The following POGZ variants were observed in gnomAD, a reference collection of about 807,000 sequenced individuals.
The protein encoded by POGZ is pogo transposable element with ZNF domain.
In POGZ, 17 loss-of-function variants were observed where a neutral mutation model predicts 134.6. The ratio of observed to expected loss-of-function variants is 0.13; its 90% confidence interval spans 0.09 to 0.19. The LOEUF (loss-of-function observed/expected upper bound fraction) is 0.19. Ranked by LOEUF, POGZ falls within the 10% of genes least tolerant of loss-of-function variation. POGZ has a pLI of 1.00. For synonymous variants in POGZ, 693 were observed against 657.1 expected (o/e 1.05, Z -0.84); for missense variants, 1,306 against 1,769.7 (o/e 0.74, Z 4.70).
At chr1:151,434,968 T>C (rs1272436888) in intron 3 of POGZ, among the ~76,000 whole-genome samples, 1 of 151,694 alleles carries the variant, frequency 6.6e-6, no homozygotes, top group Non-Finnish European at 1.5e-5. Context: ...TGGCATGACC[T>C]CAGCTCACTG....
chr1:151,435,464 A>G (rs1470623182), intron 3 of POGZ, among the ~76,000 whole-genome samples: 3 of 151,580 alleles, frequency 2.0e-5, no homozygotes, highest in Admixed American at 6.6e-5. Context: ...ACAGAATAGT[A>G]AAAATATTCC....
chr1:151,453,982 A>G (rs753324233), intron 1 of POGZ, among the ~76,000 whole-genome samples: 1 of 152,232 alleles, frequency 6.6e-6, no homozygotes, highest in Admixed American at 6.5e-5. Flanking sequence ...TTCATCTCAA[A>G]GAAAATGAGA....
chr1:151,411,323 GAAC>G (rs1276657795), intron 12 of POGZ, among the ~76,000 whole-genome samples: 2 of 152,102 alleles, frequency 1.3e-5, no homozygotes, highest in Admixed American at 1.3e-4. Flanking sequence ...CTCAGGTATT[GAAC>G]AACACTTCTT....
At chr1:151,438,872 G>C (rs1001447461) in intron 3 of POGZ, 1 of 151,562 alleles carries the variant, frequency 6.6e-6, no homozygotes, top group South Asian at 2.1e-4. Flanking sequence ...GTGAGATCCC[G>C]TCTCAGGGAG....
Position 151,424,170 on chromosome 1 carries a change from G to A in POGZ, c.1302C>T (p.Ser434=), listed in dbSNP as rs765672576. The A allele has an allele frequency of 6.2e-6, 10 of 1,613,938 alleles. No individual in the cohort carries two copies. In the Admixed American group the frequency reaches 1.7e-4, roughly 27 times the overall value. ...PSPEKTAPVA[S]TPSSTPIPAL... is the part of the protein sequence containing the mutation. ...CAGGAATAGGTGTAGAAGAGGGTGT[G>A]GAAGCAACAGGAGCTGTTTTCTCAG... Residue 434 remains serine, a synonymous_variant, in exon 9 of 19, where the codon TCC becomes TCT. Transcript: ENST00000271715.
intron 1 of POGZ, among the ~76,000 whole-genome samples, chr1:151,448,539 T>A (rs1661589018): frequency 6.6e-6 from 1 of 152,184 alleles, no homozygotes; most frequent in Non-Finnish European, 1.5e-5. Flanking sequence ...ACATTTAGTT[T>A]AATCAAGCCT....
chr1:151,406,017 C>G lies in POGZ; in HGVS notation c.3018G>C (p.Trp1006Cys). 6.2e-7 allele frequency: 1 copy of G among 1,614,230 alleles called. No individual in the cohort carries two copies. The highest frequency in any genetic ancestry group is 8.5e-7 in the Non-Finnish European group (1 of 1,180,044). ...FRNPQRRIRR[W>C]LRRFQASQGE... ...CCTGGGAGGCCTGGAAACGTCGAAG[C>G]CAACGGCGAATACGTCGCTGGGGAT... The change falls in exon 19 of 19, where the codon TGG (tryptophan) becomes TGC (cysteine). Residue 1006 changes from tryptophan to cysteine, a missense_variant. Transcript: ENST00000271715.
At chr1:151,425,762 T>G (rs542382699) in intron 7 of POGZ, among the ~76,000 whole-genome samples, 2 of 152,258 alleles carry the variant, frequency 1.3e-5, no homozygotes, top group South Asian at 2.1e-4. Context: ...TATCAGTTGA[T>G]GGACCTCTGT....
At chr1:151,453,782 T>C (rs1662437759) in intron 1 of POGZ, among the ~76,000 whole-genome samples, 2 of 152,184 alleles carry the variant, frequency 1.3e-5, no homozygotes, top group Admixed American at 6.6e-5. Flanking sequence ...ATTTCTTAAA[T>C]GCTGGCGAAT....
intron 10 of POGZ, among the ~76,000 whole-genome samples, chr1:151,422,881 C>T (rs544040838): frequency 1.2e-4 from 19 of 152,236 alleles, no homozygotes; most frequent in African/African-American, 3.6e-4. Context: ...CGTGAGCCAC[C>T]GTGCCCGGCC....
rs374145381 is a variant in POGZ, at chr1:151,441,049, G to A, written c.162C>T (p.Pro54=). 2.7e-4 allele frequency: 438 copies of A among 1,613,896 alleles called. No individual in the cohort carries two copies. Among genetic ancestry groups the A allele is most frequent in the Admixed American group, 4.2e-4 (25 of 59,988 alleles). The change falls in exon 3 of 19, where the codon CCC becomes CCT. Residue 54 remains proline, a synonymous_variant. Coordinates refer to ENST00000271715, the MANE Select transcript of POGZ (RefSeq NM_015100.4). The part of the protein sequence containing the change: ...VSQQPVSAPV[P]IAAHASVAGH... ...CAGCAACAGAAGCATGGGCAGCGAT[G>A]GGCACTGGAGCCGAGACTGGCTGCT...
intron 1 of POGZ, among the ~76,000 whole-genome samples, chr1:151,444,637 C>T (rs1661015014): frequency 6.6e-6 from 1 of 152,162 alleles, no homozygotes; most frequent in South Asian, 2.1e-4. Context: ...TATCAGAATA[C>T]AAATTGTGGT....
In POGZ at chr1:151,406,635, T is replaced by A; in HGVS notation, c.2546-4A>T. On this transcript the variant is annotated splice_region_variant and splice_polypyrimidine_tract_variant and intron_variant, in intron 17 of 18. Coordinates refer to ENST00000271715, the MANE Select transcript of POGZ (RefSeq NM_015100.4). ...GAGTGAGCTATCCAAGTGAGTCCTA[T>A]GGAAAATGAAACAACAAAAATAGTT... The A allele has an allele frequency of 6.2e-7, 1 of 1,606,854 alleles. No homozygotes were observed. The highest frequency in any genetic ancestry group is 1.1e-5 in the South Asian group (1 of 90,272).
At chr1:151,417,527 A>G (rs1324148025) in intron 10 of POGZ, among the ~76,000 whole-genome samples, 1 of 151,424 alleles carries the variant, frequency 6.6e-6, no homozygotes, top group Non-Finnish European at 1.5e-5. Context: ...TGCCCAACTA[A>G]TTTTTTGTAT....
Position 151,455,896 on chromosome 1 carries a change from T to TTTC in POGZ, c.-2+3255_-2+3256insGAA, listed in dbSNP as rs1294299241. 6.2e-3 allele frequency among the ~76,000 whole-genome samples: 840 copies of TTTC among 135,696 alleles called. 6 individuals carry two copies. The highest frequency in any genetic ancestry group is 0.021 in the African/African-American group (782 of 36,474). 89.0% of individuals were successfully genotyped at this position (135,696 alleles called of 152,430 possible). A position where few individuals can be genotyped will look rare whatever the true frequency, so the allele number is the denominator to read the frequency against. On this transcript the variant is annotated intron_variant, in intron 1 of 18. Transcript: ENST00000271715. Reference sequence around the variant, plus strand: ...ACTCAACAAACGGTAGTTTCTTTCTTTTTTTTTTTTTTTTTTTTTTTTAAT... The same window carrying TTTC: ...ACTCAACAAACGGTAGTTTCTTTCTTTTCTTTTTTTTTTTTTTTTTTTTTTAAT...
intron 3 of POGZ, among the ~76,000 whole-genome samples, chr1:151,435,244 G>C (rs1659386054): frequency 6.6e-6 from 1 of 152,018 alleles, no homozygotes; most frequent in South Asian, 2.1e-4. Context: ...TTAAAGCCCA[G>C]AAATAGAGGG....
Position 151,404,052 on chromosome 1 carries a change from G to C in POGZ, c.*750C>G, listed in dbSNP as rs1653155727. The C allele has an allele frequency of 1.0e-6, 1 of 985,344 alleles. No individual in the cohort carries two copies. Among genetic ancestry groups the C allele is most frequent in the Non-Finnish European group, 1.2e-6 (1 of 829,916 alleles). 61.0% of individuals were successfully genotyped at this position (985,344 alleles called of 1,614,324 possible). ...AAAATATTGTTTATGTCATGTTTTG[G>C]AGGGAAGGTGGTGAGGAAAAGACAA... On this transcript the variant is annotated 3_prime_UTR_variant, in exon 19 of 19. Coordinates refer to ENST00000271715, the MANE Select transcript of POGZ (RefSeq NM_015100.4).
chr1:151,441,966 C>G, intron 2 of POGZ, 115 bp downstream of exon 2: 1 of 701,560 alleles, frequency 1.4e-6, no homozygotes, highest in Non-Finnish European at 2.4e-6. Flanking sequence ...CAGTGAGTGC[C>G]ACAACGAGGT....
intron 10 of POGZ, among the ~76,000 whole-genome samples, chr1:151,417,625 G>C (rs1201416468): frequency 6.6e-6 from 1 of 151,320 alleles, no homozygotes; most frequent in African/African-American, 2.4e-5. Flanking sequence ...GCCTCCCAAA[G>C]TGCTGGGAGT....
Sources: allele counts gnomAD v4.1 joint callset (sites outside exome capture counted in the v4.1 genomes callset), GRCh38; gene constraint gnomAD v4.1.1; transcripts MANE v1.5; gene names NCBI Gene and HGNC (gene_info 2026-07-23, HGNC 2026-07-21).